GALK2: variants seen among roughly 807,000 people sequenced by gnomAD.
The protein encoded by GALK2 is galactokinase 2.
GALK2 carries 36 observed loss-of-function variants against 52.4 expected under a neutral mutation model. That is an observed-to-expected ratio of 0.69 (90% CI 0.53 to 0.91). The LOEUF is 0.91. Ranked by LOEUF, GALK2 falls within the 40% of genes least tolerant of loss-of-function variation. The pLI, the probability that GALK2 is intolerant of heterozygous loss-of-function variation, is 0.00. For missense variants in GALK2, 579 were observed against 559.1 expected (o/e 1.04, Z -0.36); for synonymous variants, 176 against 199.1 (o/e 0.88, Z 0.98).
At chr15:49,182,444 T>G (rs2086045310) in intron 1 of GALK2, among the ~76,000 whole-genome samples, 1 of 152,242 alleles carries the variant, frequency 6.6e-6, no homozygotes, top group South Asian at 2.1e-4. Flanking sequence ...TAAATGGTAC[T>G]GCAATAAACA....
intron 1 of GALK2, among the ~76,000 whole-genome samples, chr15:49,159,212 T>G (rs1291477265): frequency 6.6e-6 from 1 of 152,232 alleles, no homozygotes; most frequent in Non-Finnish European, 1.5e-5. Context: ...TTGTTATACA[T>G]TCAGAGTATT....
intron 1 of GALK2, among the ~76,000 whole-genome samples, chr15:49,187,374 A>T (rs546567790): frequency 6.6e-6 from 1 of 152,320 alleles, no homozygotes; most frequent in East Asian, 1.9e-4. Flanking sequence ...GTGGGACTGC[A>T]CTGGGTCAGA....
chr15:49,366,433 C>T, intron 3 of GALK2: 1 of 901,934 alleles, frequency 1.1e-6, no homozygotes, highest in Non-Finnish European at 1.9e-6. Flanking sequence ...CTGCTTTGTT[C>T]TTTATGTCAA....
At chr15:49,181,874 T>C (rs1436537305) in intron 1 of GALK2, among the ~76,000 whole-genome samples, 1 of 152,092 alleles carries the variant, frequency 6.6e-6, no homozygotes, top group African/African-American at 2.4e-5. Flanking sequence ...GTACATAATA[T>C]AGATGTATAT....
chr15:49,333,376 G>A (rs1026586540), downstream of GALK2, among the ~76,000 whole-genome samples: 2 of 152,132 alleles, frequency 1.3e-5, no homozygotes, highest in African/African-American at 2.4e-5. Flanking sequence ...AAATATGTAT[G>A]TTTCAACAAT....
At chr15:49,171,082 C>CTTT (rs201895577) in intron 1 of GALK2, among the ~76,000 whole-genome samples, 17 of 129,912 alleles carry the variant, frequency 1.3e-4, no homozygotes, top group African/African-American at 3.1e-4. Context: ...TTTTCTTTTT[C>CTTT]TTTTTTTTTT....
chr15:49,200,463 G>A (rs1041481903), intron 1 of GALK2, among the ~76,000 whole-genome samples: 4 of 152,160 alleles, frequency 2.6e-5, no homozygotes, highest in Admixed American at 6.5e-5. Context: ...AGATGAGGTC[G>A]TACTCAATTA....
At position 49,254,301 on chromosome 15, in the gene GALK2, A is replaced by T. The variant is rs918479814; in HGVS notation, c.504+14934A>T. 2.1e-5 allele frequency among the ~76,000 whole-genome samples: 3 copies of T among 144,300 alleles called. 1 individual carries two copies. The Admixed American group carries it at 2.1e-4, about 10-fold the overall frequency. 94.7% of individuals were successfully genotyped at this position (144,300 alleles called of 152,430 possible). ...TGGAATTTATTTGTGACCATCAAAG[A>T]CCATAAATCTCTTACATTTTAAGTA... On this transcript the variant is annotated intron_variant, in intron 5 of 9. Transcript: ENST00000560031.
At chr15:49,191,878 CT>C (rs2086748897) in intron 1 of GALK2, among the ~76,000 whole-genome samples, 1 of 151,202 alleles carries the variant, frequency 6.6e-6, no homozygotes, top group Non-Finnish European at 1.5e-5. Flanking sequence ...TTTTTCCATA[CT>C]TTTAATTTAT....
intron 2 of GALK2, among the ~76,000 whole-genome samples, chr15:49,214,554 A>G (rs953499504): frequency 1.4e-5 from 2 of 147,208 alleles, no homozygotes; most frequent in African/African-American, 5.0e-5. Flanking sequence ...GTTAGCCAGG[A>G]TAGTCTTGAT....
At chr15:49,202,936 A>G (rs1190002352) in intron 2 of GALK2, among the ~76,000 whole-genome samples, 1 of 151,850 alleles carries the variant, frequency 6.6e-6, no homozygotes, top group African/African-American at 2.4e-5. Flanking sequence ...TTTGATTTGC[A>G]TTTTCCTGAT....
intron 5 of GALK2, among the ~76,000 whole-genome samples, chr15:49,265,337 C>T (rs191083740): frequency 2.0e-5 from 3 of 152,238 alleles, no homozygotes; most frequent in African/African-American, 4.8e-5. Context: ...GCTGTGCTAG[C>T]AATCAGCGAG....
chr15:49,309,210 A>G (rs2035788467), intron 8 of GALK2, among the ~76,000 whole-genome samples: 1 of 152,176 alleles, frequency 6.6e-6, no homozygotes, highest in South Asian at 2.1e-4. Context: ...GCTTCTAACC[A>G]CTTCCCACCT....
intron 5 of GALK2, among the ~76,000 whole-genome samples, chr15:49,260,698 A>G (rs1296656804): frequency 6.6e-6 from 1 of 151,118 alleles, no homozygotes; most frequent in Non-Finnish European, 1.5e-5. Flanking sequence ...TTATGGTTTT[A>G]GGTCTAACGT....
At chr15:49,193,730 T>G (rs1323426580) in intron 1 of GALK2, among the ~76,000 whole-genome samples, 1 of 151,528 alleles carries the variant, frequency 6.6e-6, no homozygotes, top group Non-Finnish European at 1.5e-5. Context: ...ATTTTTTTAT[T>G]TTTATTTTTT....
chr15:49,235,418 G>GT (rs35176803), intron 3 of GALK2, among the ~76,000 whole-genome samples: 6 of 150,954 alleles, frequency 4.0e-5, no homozygotes, highest in South Asian at 2.1e-4. Flanking sequence ...TTGTTTATTT[G>GT]TTTTTTTTTC....
chr15:49,165,527 G>A (rs2084790793), upstream of GALK2, among the ~76,000 whole-genome samples: 1 of 152,122 alleles, frequency 6.6e-6, no homozygotes, highest in African/African-American at 2.4e-5. Context: ...GCTCTGTGCT[G>A]TCTAATATAG....
chr15:49,258,823 T>TGAGA (rs1401571231), intron 5 of GALK2, among the ~76,000 whole-genome samples: 10 of 140,108 alleles, frequency 7.1e-5, no homozygotes, highest in African/African-American at 1.2e-4. Context: ...TGTGTGTGTG[T>TGAGA]GTGTGTGAGA....
intron 8 of GALK2, among the ~76,000 whole-genome samples, chr15:49,300,892 G>A (rs553687900): frequency 5.3e-5 from 8 of 152,152 alleles, no homozygotes; most frequent in Non-Finnish European, 8.8e-5. Context: ...GCAAGAGAAC[G>A]GACTAATACA....
Sources: allele counts gnomAD v4.1 joint callset (sites outside exome capture counted in the v4.1 genomes callset), GRCh38; gene constraint gnomAD v4.1.1; transcripts MANE v1.5; gene names NCBI Gene and HGNC (gene_info 2026-07-23, HGNC 2026-07-21).